Variants in AP2B1 observed in about 807,000 individuals in gnomAD.
AP2B1 encodes the protein adaptor related protein complex 2 subunit beta 1.
Under a neutral mutation model 102.0 loss-of-function variants are expected in AP2B1, and 23 were observed. That is an observed-to-expected ratio of 0.23 (90% CI 0.16 to 0.32). AP2B1 has a LOEUF of 0.32. Ranked by LOEUF, AP2B1 falls within the 10% of genes least tolerant of loss-of-function variation. The pLI, the probability that AP2B1 is intolerant of heterozygous loss-of-function variation, is 1.00. For synonymous variants in AP2B1, 381 were observed against 421.2 expected (o/e 0.90, Z 1.17); for missense variants, 541 against 1,157.4 (o/e 0.47, Z 7.73).
chr17:35,665,222 G>T (rs563751070), intron 14 of AP2B1, among the ~76,000 whole-genome samples: 1 of 146,338 alleles, frequency 6.8e-6, no homozygotes, highest in East Asian at 2.0e-4. Context: ...GACCTCCCTG[G>T]GCCCAGGTGA....
intron 1 of AP2B1, among the ~76,000 whole-genome samples, chr17:35,588,156 G>A (rs1487353619): frequency 7.9e-6 from 1 of 126,098 alleles, no homozygotes; most frequent in East Asian, 2.4e-4. Flanking sequence ...AAACTGGAAC[G>A]TCCTGTTATT....
intron 14 of AP2B1, among the ~76,000 whole-genome samples, chr17:35,664,250 ATGTT>A (rs1205590428): frequency 2.6e-5 from 4 of 151,958 alleles, no homozygotes; most frequent in Middle Eastern, 3.4e-3. Flanking sequence ...CGGCTGGGAG[ATGTT>A]TGTTTATTTA....
At chr17:35,648,368 T>G (rs1296657573) in intron 12 of AP2B1, among the ~76,000 whole-genome samples, 1 of 151,904 alleles carries the variant, frequency 6.6e-6, no homozygotes, top group Non-Finnish European at 1.5e-5. Context: ...ATACAAAAAT[T>G]AGCTGGGTGT....
intron 5 of AP2B1, among the ~76,000 whole-genome samples, chr17:35,618,294 A>G (rs1038343931): frequency 2.0e-5 from 3 of 152,222 alleles, no homozygotes; most frequent in African/African-American, 7.2e-5. Context: ...GGAGATAGCA[A>G]TATTCTAACA....
chr17:35,660,077 C>T, intron 14 of AP2B1: 1 of 984,812 alleles, frequency 1.0e-6, no homozygotes, highest in Non-Finnish European at 1.2e-6. Context: ...CCTTGCCTTA[C>T]AGAGTGCTTC....
chr17:35,673,929 G>A (rs922099384), intron 16 of AP2B1, among the ~76,000 whole-genome samples: 1 of 152,144 alleles, frequency 6.6e-6, no homozygotes, highest in Non-Finnish European at 1.5e-5. Context: ...TTAAAGACTG[G>A]TTTTTTAAAA....
Position 35,725,389 on chromosome 17 carries a change from CAG to C in AP2B1, c.*1693_*1694del, listed in dbSNP as rs1348077958. On this transcript the variant is annotated 3_prime_UTR_variant, in exon 22 of 22. Transcript: ENST00000610402. ...GGACTGAGACCTAACTCACTGGACT[CAG>C]AGGAGGAATCGTGGAAAACAAGAGC... The C allele has an allele frequency of 7.2e-5, 11 of 152,212 alleles. No homozygotes were observed. The highest frequency in any genetic ancestry group is 2.7e-4 in the African/African-American group (11 of 41,432). 9.4% of individuals were successfully genotyped at this position (152,212 alleles called of 1,614,324 possible).
At chr17:35,658,332 G>T (rs1480939925) in intron 14 of AP2B1, among the ~76,000 whole-genome samples, 2 of 143,476 alleles carry the variant, frequency 1.4e-5, no homozygotes, top group African/African-American at 2.6e-5. Flanking sequence ...GGGAAGGGCT[G>T]CTTGATTGGT....
chr17:35,723,939 T>A lies in AP2B1; in HGVS notation c.*240T>A. On this transcript the variant is annotated 3_prime_UTR_variant, in exon 22 of 22. Coordinates refer to ENST00000610402, the MANE Select transcript of AP2B1 (RefSeq NM_001030006.2). ...CCTCTTGCCACCTGCTGCTGCTATC[T>A]GTCCTTACTTGTGGGCTTCTCCATG... 1 of 425,760 alleles carries A rather than the reference T, an allele frequency of 2.3e-6. No homozygotes were observed. Among genetic ancestry groups the A allele is most frequent in the African/African-American group, 1.9e-5 (1 of 51,504 alleles). 26.4% of individuals were successfully genotyped at this position (425,760 alleles called of 1,614,324 possible).
intron 20 of AP2B1, among the ~76,000 whole-genome samples, chr17:35,715,460 A>G (rs1555589416): frequency 6.6e-6 from 1 of 152,234 alleles, no homozygotes; most frequent in African/African-American, 2.4e-5. Flanking sequence ...GTGTTCAACA[A>G]AGGCTCCTAC....
chr17:35,699,957 A>T lies in AP2B1; in HGVS notation c.2455-9267A>T, dbSNP rs375440431. Among the ~76,000 whole-genome samples the T allele has an allele frequency of 1.2e-4, 18 of 152,124 alleles. No individual in the cohort carries two copies. The East Asian group carries it at 3.3e-3, about 28-fold the overall frequency. ...ACAAAAATAACAGAGTTAGCCAAGCATGGTGGCACATGCGTGTAGTTTCAG... is the reference window on the plus strand; with the variant it reads ...ACAAAAATAACAGAGTTAGCCAAGCTTGGTGGCACATGCGTGTAGTTTCAG... On this transcript the variant is annotated intron_variant, in intron 18 of 21. Coordinates refer to ENST00000610402, the MANE Select transcript of AP2B1 (RefSeq NM_001030006.2).
chr17:35,680,700 G>GTTTTT (rs1176447688), intron 17 of AP2B1, among the ~76,000 whole-genome samples: 10 of 128,930 alleles, frequency 7.8e-5, no homozygotes, highest in African/African-American at 1.5e-4. Context: ...TTTTTTTTTT[G>GTTTTT]TTTTTTTTTT....
chr17:35,657,371 A>G (rs1598198174), intron 13 of AP2B1, among the ~76,000 whole-genome samples: 1 of 152,184 alleles, frequency 6.6e-6, no homozygotes, highest in Non-Finnish European at 1.5e-5. Context: ...ATAACTGACA[A>G]GGTTTACATA....
chr17:35,614,167 T>C (rs1228144385), intron 5 of AP2B1, among the ~76,000 whole-genome samples: 2 of 152,124 alleles, frequency 1.3e-5, no homozygotes, highest in Non-Finnish European at 2.9e-5. Flanking sequence ...CCATATGTGC[T>C]TTGCTTTTTG....
At chr17:35,634,317 A>AGG (rs2074545692) in intron 9 of AP2B1, among the ~76,000 whole-genome samples, 1 of 152,190 alleles carries the variant, frequency 6.6e-6, no homozygotes, top group African/African-American at 2.4e-5. Flanking sequence ...TCCTCTTTAA[A>AGG]TAATTAAATC....
At chr17:35,718,201 G>A (rs59957772) in intron 21 of AP2B1, among the ~76,000 whole-genome samples, 2,616 of 152,170 alleles carry the variant, frequency 0.017, 75 homozygotes, top group African/African-American at 0.061. Context: ...CCTTAATTTT[G>A]ACAGCTAAGT....
At chr17:35,648,565 TAAAAC>T (rs1194205784) in intron 12 of AP2B1, among the ~76,000 whole-genome samples, 2 of 151,028 alleles carry the variant, frequency 1.3e-5, no homozygotes, top group African/African-American at 4.9e-5. Flanking sequence ...TACATACAAA[TAAAAC>T]AATAATAAAG....
intron 5 of AP2B1, among the ~76,000 whole-genome samples, chr17:35,620,075 C>T (rs942845461): frequency 8.5e-5 from 13 of 152,126 alleles, no homozygotes; most frequent in African/African-American, 1.4e-4. Flanking sequence ...CGTGAACCAC[C>T]GTGCTCGGCC....
chr17:35,704,423 A>G (rs940421117), intron 18 of AP2B1, among the ~76,000 whole-genome samples: 6 of 152,328 alleles, frequency 3.9e-5, no homozygotes, highest in Middle Eastern at 3.4e-3. Context: ...GGAGGTAGAA[A>G]AAATGTTGAG....
Sources: allele counts gnomAD v4.1 joint callset (sites outside exome capture counted in the v4.1 genomes callset), GRCh38; gene constraint gnomAD v4.1.1; transcripts MANE v1.5; gene names NCBI Gene and HGNC (gene_info 2026-07-23, HGNC 2026-07-21).